Variants in MKLN1 observed in about 807,000 individuals in gnomAD.
MKLN1 encodes the protein muskelin 1, also known as muskelin.
Under a neutral mutation model 99.0 loss-of-function variants are expected in MKLN1, and 18 were observed. That is an observed-to-expected ratio of 0.18 (90% confidence interval 0.13 to 0.27). MKLN1 has a LOEUF of 0.27. Among genes scored for constraint, MKLN1 ranks in the 10% least tolerant of loss-of-function variants. The pLI is 1.00. For missense variants in MKLN1, 621 were observed against 875.9 expected, an observed-to-expected ratio of 0.71 and a Z score of 3.67; for synonymous variants, 288 against 293.2, an observed-to-expected ratio of 0.98 and a Z score of 0.18.
intron 2 of MKLN1, among the ~76,000 whole-genome samples, chr7:131,180,698 C>CA (rs35667474): frequency 0.097 from 11,657 of 120,238 alleles, 511 homozygotes; most frequent in African/African-American, 0.14. Context: ...GACTTGGTCT[C>CA]AAAAAAAAAA....
At chr7:131,355,448 CAT>C (rs550586042) in intron 1 of MKLN1, among the ~76,000 whole-genome samples, 15 of 151,512 alleles carry the variant, frequency 9.9e-5, no homozygotes, top group African/African-American at 2.9e-4. Context: ...CTTATACATA[CAT>C]ATATATATGT....
Position 131,414,725 on chromosome 7 carries a change from C to G in MKLN1, c.847+15C>G. 1 of 1,572,080 alleles carries G rather than the reference C, an allele frequency of 6.4e-7. No homozygotes were observed. The highest frequency in any genetic ancestry group is 1.1e-5 in the South Asian group (1 of 88,080). On this transcript the variant is annotated intron_variant, in intron 8 of 17. Coordinates refer to ENST00000352689, the MANE Select transcript of MKLN1 (RefSeq NM_013255.5). ...TGTTCAAACAGGTGAGTAGCAGTTG[C>G]AGTGGAAAGCAAAATCTTCATTGGC...
At chr7:131,219,108 G>A (rs372151675) in intron 3 of MKLN1, among the ~76,000 whole-genome samples, 55 of 152,174 alleles carry the variant, frequency 3.6e-4, no homozygotes, top group African/African-American at 1.2e-3. Flanking sequence ...TTGCAAGATG[G>A]AAAATTTTGG....
At chr7:131,230,478 G>T (rs1797225295) in intron 3 of MKLN1, among the ~76,000 whole-genome samples, 2 of 152,212 alleles carry the variant, frequency 1.3e-5, no homozygotes, top group Admixed American at 6.5e-5. Context: ...ACTTTCATAT[G>T]TAGTCCCTTG....
chr7:131,451,098 T>C (rs1485017563), intron 12 of MKLN1, among the ~76,000 whole-genome samples: 2 of 152,232 alleles, frequency 1.3e-5, no homozygotes, highest in East Asian at 1.9e-4. Flanking sequence ...TTTTCTCTCT[T>C]ACTAGATTTT....
intron 2 of MKLN1, among the ~76,000 whole-genome samples, chr7:131,143,234 C>T (rs182839711): frequency 2.0e-5 from 3 of 151,928 alleles, no homozygotes; most frequent in Non-Finnish European, 4.4e-5. Context: ...TTTGGGAGGC[C>T]GAGGCCGGCA....
chr7:131,230,339 A>T (rs1009722219), intron 3 of MKLN1, among the ~76,000 whole-genome samples: 10 of 152,134 alleles, frequency 6.6e-5, no homozygotes, highest in African/African-American at 2.4e-4. Flanking sequence ...CCCCTTGGCC[A>T]AAAGGGGGTC....
intron 3 of MKLN1, among the ~76,000 whole-genome samples, chr7:131,230,439 G>T (rs1463863536): frequency 6.6e-6 from 1 of 152,176 alleles, no homozygotes; most frequent in Non-Finnish European, 1.5e-5. Flanking sequence ...GGATGATGAG[G>T]AGGCAGCTGC....
intron 3 of MKLN1, among the ~76,000 whole-genome samples, chr7:131,275,551 ATATATATATATATATAT>A (rs1354500638): frequency 5.2e-4 from 8 of 15,388 alleles, no homozygotes; most frequent in African/African-American, 1.5e-3. Flanking sequence ...ATATATATAT[ATATATATATATATATAT>A]TTTTTTTTTT....
intron 3 of MKLN1, among the ~76,000 whole-genome samples, chr7:131,300,854 C>T (rs766206110): frequency 1.3e-5 from 2 of 152,076 alleles, no homozygotes; most frequent in African/African-American, 2.4e-5. Context: ...CTGATGGATA[C>T]GGTGGGAAGG....
At chr7:131,238,276 T>C (rs1346732409) in intron 3 of MKLN1, among the ~76,000 whole-genome samples, 3 of 152,238 alleles carry the variant, frequency 2.0e-5, no homozygotes, top group Admixed American at 2.0e-4. Flanking sequence ...ATAAGTAATG[T>C]TCTAATAATT....
chr7:131,162,696 C>CTTGT (rs1159226777), intron 2 of MKLN1, among the ~76,000 whole-genome samples: 2 of 152,116 alleles, frequency 1.3e-5, no homozygotes, highest in African/African-American at 4.8e-5. Context: ...ATCCGAAATA[C>CTTGT]TTGTGGTCCC....
At chr7:131,185,102 A>G (rs1242406240) in intron 2 of MKLN1, among the ~76,000 whole-genome samples, 1 of 152,098 alleles carries the variant, frequency 6.6e-6, no homozygotes, top group Non-Finnish European at 1.5e-5. Flanking sequence ...TTCAGAATGC[A>G]CCGTAATGCT....
chr7:131,414,083 T>G (rs1402243987), intron 7 of MKLN1, among the ~76,000 whole-genome samples: 2 of 152,166 alleles, frequency 1.3e-5, no homozygotes, highest in Admixed American at 6.5e-5. Context: ...ATTAATACAT[T>G]ATACATTATA....
intron 2 of MKLN1, among the ~76,000 whole-genome samples, chr7:131,189,309 T>C (rs1796499505): frequency 6.6e-6 from 1 of 152,170 alleles, no homozygotes; most frequent in South Asian, 2.1e-4. Flanking sequence ...TTACTAGCCA[T>C]GTAATGATTT....
At position 131,208,359 on chromosome 7, in the gene MKLN1, T is replaced by G. The variant is rs538106435; in HGVS notation, c.-179+5385T>G. 1.4e-4 allele frequency among the ~76,000 whole-genome samples: 21 copies of G among 152,306 alleles called. No individual in the cohort carries two copies. In the East Asian group the frequency reaches 3.1e-3, roughly 22 times the overall value. The stretch of plus-strand genomic sequence containing the variant: ...CTGTAATCCCAATATTTTGGGAGGC[T>G]GAGGCTAGCAGATCGTTTGAGCCCA... On this transcript the variant is annotated intron_variant, in intron 3 of 7. Coordinates refer to the MKLN1 transcript ENST00000416992.
rs1797365527 is a variant in MKLN1 at position 131,489,268 on chromosome 7, T to G, written c.*1540T>G. 6.6e-6 allele frequency: 1 copy of G among 152,148 alleles called. No homozygotes were observed. The highest frequency in any genetic ancestry group is 1.5e-5 in the Non-Finnish European group (1 of 68,012). The allele number at this position is 152,148 out of a possible 1,614,324, so 9.4% of individuals were successfully genotyped here. A position where few individuals can be genotyped will look rare whatever the true frequency, so the allele number is the denominator to read the frequency against. On this transcript the variant is annotated 3_prime_UTR_variant, in exon 18 of 18. Transcript: ENST00000352689. ...TGGATAGAAATATATTTTTGCTAGT[T>G]CTAGGCTTGAATCATGGGCTCCTTG...
intron 3 of MKLN1, among the ~76,000 whole-genome samples, chr7:131,318,520 C>G (rs1454436492): frequency 6.6e-6 from 1 of 152,162 alleles, no homozygotes; most frequent in Non-Finnish European, 1.5e-5. Context: ...CTGAAATCGT[C>G]ACCCTAACAT....
intron 15 of MKLN1, 48 bp downstream of exon 15, chr7:131,466,463 ATTTC>A (rs750720225): frequency 1.4e-6 from 2 of 1,386,074 alleles, no homozygotes; most frequent in Admixed American, 4.2e-5. Flanking sequence ...TATCAGCTAT[ATTTC>A]TCTTGGCAAA....
Sources: allele counts gnomAD v4.1 joint callset (sites outside exome capture counted in the v4.1 genomes callset), GRCh38; gene constraint gnomAD v4.1.1; transcripts MANE v1.5; gene names NCBI Gene and HGNC (gene_info 2026-07-23, HGNC 2026-07-21).